SKI: variants seen among roughly 807,000 people sequenced by gnomAD.
SKI encodes the protein SKI proto-oncogene.
Under a neutral mutation model 59.3 loss-of-function variants are expected in SKI, and 23 were observed. The observed-to-expected ratio is 0.39, with a 90% CI of 0.28 to 0.55. The LOEUF is 0.55. SKI is among the 20% of genes least tolerant of loss of function. SKI has a pLI of 0.67. For missense variants in SKI, 1,017 were observed against 1,038.9 expected (o/e 0.98, Z 0.29); for synonymous variants, 673 against 488.6 (o/e 1.38, Z -4.98).
At chr1:2,261,592 C>T (rs906877118) in intron 1 of SKI, among the ~76,000 whole-genome samples, 30 of 152,372 alleles carry the variant, frequency 2.0e-4, no homozygotes, top group African/African-American at 7.2e-4. Context: ...GTTGATCCTG[C>T]AGCCTGTAAC....
chr1:2,256,510 A>G (rs1046024729), intron 1 of SKI, among the ~76,000 whole-genome samples: 1 of 152,064 alleles, frequency 6.6e-6, no homozygotes, highest in African/African-American at 2.4e-5. Context: ...CGCCCTGGGT[A>G]TTTCTGTGCT....
At chr1:2,297,079 TG>T in intron 1 of SKI, among the ~76,000 whole-genome samples, 1 of 152,004 alleles carries the variant, frequency 6.6e-6, no homozygotes, top group East Asian at 2.0e-4. Flanking sequence ...GTCTTCCACT[TG>T]AAGAATGTGG....
At chr1:2,234,234 G>C (rs1005763811) in intron 1 of SKI, among the ~76,000 whole-genome samples, 1 of 152,184 alleles carries the variant, frequency 6.6e-6, no homozygotes, top group Non-Finnish European at 1.5e-5. Flanking sequence ...GGCTGTGCAC[G>C]GACTGGGGAG....
intron 1 of SKI, among the ~76,000 whole-genome samples, chr1:2,263,710 G>C (rs1194278117): frequency 2.0e-5 from 3 of 151,592 alleles, no homozygotes; most frequent in Admixed American, 2.0e-4. Flanking sequence ...AATGTTTGGT[G>C]GGGGGACTGG....
chr1:2,252,538 A>T (rs1639187212), intron 1 of SKI, among the ~76,000 whole-genome samples: 2 of 151,996 alleles, frequency 1.3e-5, no homozygotes, highest in South Asian at 2.1e-4. Context: ...TTATTTCCAC[A>T]CTCGAGAGAA....
Position 2,295,287 on chromosome 1 carries a change from TC to T in SKI, c.970-7689del, listed in dbSNP as rs1170687098. ...GCCCCTCTGGCTCCCAGGCATCTCA[TC>T]CTGTCTGGCTCTGAGGGCCGTGCTG... On this transcript the variant is annotated intron_variant, in intron 1 of 6. Transcript: ENST00000378536. Among the ~76,000 whole-genome samples, 9 of 152,350 alleles carry T rather than the reference TC, an allele frequency of 5.9e-5. No homozygotes were observed. The East Asian group carries it at 1.3e-3, about 23-fold the overall frequency.
intron 1 of SKI, among the ~76,000 whole-genome samples, chr1:2,294,067 GGATGT>G (rs1640229956): frequency 6.6e-6 from 1 of 152,180 alleles, no homozygotes; most frequent in African/African-American, 2.4e-5. Flanking sequence ...GATATTGGAA[GGATGT>G]CGTGCAGGAA....
chr1:2,275,523 T>G (rs1340822306), intron 1 of SKI, among the ~76,000 whole-genome samples: 6 of 148,460 alleles, frequency 4.0e-5, no homozygotes, highest in African/African-American at 1.5e-4. Flanking sequence ...CGTTTATCTG[T>G]TTTTTTTTTA....
rs1394674673 is a variant in SKI, at chr1:2,307,004, G to T, written c.*239G>T. ...CTACAGCTGGAGACGGGGCCAGCTCGGCGGCCTGCTGGTCCTCTGCTTGCT... is the reference window on the plus strand; with the variant it reads ...CTACAGCTGGAGACGGGGCCAGCTCTGCGGCCTGCTGGTCCTCTGCTTGCT... On this transcript the variant is annotated 3_prime_UTR_variant, in exon 7 of 7. Transcript: ENST00000378536. 20 of 307,082 alleles carry T rather than the reference G, an allele frequency of 6.5e-5. No homozygotes were observed. The highest frequency in any genetic ancestry group is 7.8e-5 in the Non-Finnish European group (13 of 167,536). 19.0% of individuals were successfully genotyped at this position (307,082 alleles called of 1,614,324 possible).
At chr1:2,240,010 G>A (rs1021518377) in intron 1 of SKI, among the ~76,000 whole-genome samples, 2 of 151,892 alleles carry the variant, frequency 1.3e-5, no homozygotes, top group East Asian at 1.9e-4. Context: ...CCAGCTGAAC[G>A]TCGTTATTTG....
intron 1 of SKI, among the ~76,000 whole-genome samples, chr1:2,272,396 G>A (rs1639644213): frequency 6.6e-6 from 1 of 152,232 alleles, no homozygotes; most frequent in South Asian, 2.1e-4. Context: ...TGGAAAGAGG[G>A]GCAGAGCCCT....
rs1639566305 is a variant in SKI at position 2,269,324 on chromosome 1, C to T, written c.970-33654C>T. Among the ~76,000 whole-genome samples, 1 of 152,210 alleles carries T rather than the reference C, an allele frequency of 6.6e-6. No homozygotes were observed. Among genetic ancestry groups the T allele is most frequent in the South Asian group, 2.1e-4 (1 of 4,832 alleles). ...ATGACTGGGCAGAGCCAGAGAGTGA[C>T]TAAGGGGCTGTTAGGACAGAGACAG... On this transcript the variant is annotated intron_variant, in intron 1 of 6. Coordinates refer to ENST00000378536, the MANE Select transcript of SKI (RefSeq NM_003036.4). This position sits in a 1 kb window ranked among gnomAD's most constrained non-coding sequence, Gnocchi z 4.7.
chr1:2,239,402 C>T (rs1346513112), intron 1 of SKI, among the ~76,000 whole-genome samples: 2 of 152,200 alleles, frequency 1.3e-5, no homozygotes, highest in African/African-American at 4.8e-5. Context: ...TCGAGTCAAG[C>T]CGGGCTCGAT....
intron 1 of SKI, among the ~76,000 whole-genome samples, chr1:2,284,221 G>C (rs1639982119): frequency 6.6e-6 from 1 of 152,132 alleles, no homozygotes; most frequent in Admixed American, 6.5e-5. Context: ...CCGTTCCACT[G>C]GCCGGGGCTC....
intron 1 of SKI, among the ~76,000 whole-genome samples, chr1:2,232,200 T>C (rs1037537839): frequency 1.3e-5 from 2 of 152,268 alleles, no homozygotes; most frequent in African/African-American, 4.8e-5. Flanking sequence ...TTTAATATTT[T>C]TGATCTGCCG....
chr1:2,305,961 T>C (rs1640562209), intron 5 of SKI, 59 bp from the exon 6 acceptor site: 2 of 1,285,684 alleles, frequency 1.6e-6, no homozygotes, highest in Non-Finnish European at 1.1e-6. Context: ...CTGCTGGTCA[T>C]GGTGAGGGGT....
chr1:2,275,804 C>G (rs927037105), intron 1 of SKI, among the ~76,000 whole-genome samples: 4 of 152,226 alleles, frequency 2.6e-5, no homozygotes, highest in Non-Finnish European at 5.9e-5. Flanking sequence ...AGCCACCGCA[C>G]TGGCCAGCGT....
intron 5 of SKI, among the ~76,000 whole-genome samples, 196 bp from the exon 6 acceptor site, chr1:2,305,824 A>C (rs1395213201): frequency 6.6e-6 from 1 of 151,996 alleles, no homozygotes. Context: ...CCTGGCGGAA[A>C]CTCCGGATGG....
At position 2,229,192 on chromosome 1, in the gene SKI, G is replaced by T; in HGVS notation, c.426G>T (p.Val142=). 1 of 1,610,910 alleles carries T rather than the reference G, an allele frequency of 6.2e-7. No individual in the cohort carries two copies. Among genetic ancestry groups the T allele is most frequent in the Non-Finnish European group, 8.5e-7 (1 of 1,179,152 alleles). The change falls in exon 1 of 7, where the codon GTG becomes GTT. Residue 142 remains valine, a synonymous_variant. Transcript: ENST00000378536. The surrounding 1 kb of genome is among the most constrained non-coding windows in gnomAD (Gnocchi z 6.3). ...TCTCGCTGCAGCAGATCAACGCGGT[G>T]TGCGACGAGCTCCACATCTACTGCT... The part of the protein sequence containing the change: ...RDFSLQQINA[V]CDELHIYCSR...
Sources: gnomAD v4.1 joint callset for allele counts (sites outside exome capture counted in the v4.1 genomes callset) on GRCh38, gnomAD v4.1.1 for gene constraint, Gnocchi (gnomAD v3.1) non-coding constraint, MANE v1.5 for transcripts, NCBI Gene and HGNC (gene_info 2026-07-23, HGNC 2026-07-21) for gene names.